RUFY4: variants seen among roughly 807,000 people sequenced by gnomAD.
RUFY4 encodes RUN and FYVE domain-containing protein 4.
In RUFY4, 73 loss-of-function variants were observed where a neutral mutation model predicts 69.0. The ratio of observed to expected loss-of-function variants is 1.06; its 90% CI spans 0.88 to 1.29. RUFY4 has a LOEUF of 1.29. RUFY4 is among the 50% of genes most tolerant of loss of function. The pLI, the probability that RUFY4 is intolerant of heterozygous loss-of-function variation, is 0.00. For synonymous variants in RUFY4, 287 were observed against 271.8 expected, an observed-to-expected ratio of 1.06 and a Z score of -0.55; for missense variants, 770 against 705.6, an observed-to-expected ratio of 1.09 and a Z score of -1.03.
At chr2:218,089,402 C>G in intron 10 of RUFY4, 40 bp downstream of exon 12, 1 of 1,562,116 alleles carries the variant, frequency 6.4e-7, no homozygotes. Context: ...TGGGACAGCC[C>G]AGTTTCCACC....
At position 218,070,653 on chromosome 2, in the gene RUFY4, T is replaced by C. The variant is rs1689464269; in HGVS notation, c.46+2T>C. On this transcript the variant is annotated splice_donor_variant, in intron 1 of 10. Coordinates refer to ENST00000344321, the Ensembl canonical transcript of RUFY4. LOFTEE classifies it high-confidence loss of function. ...TCAAGGTCACCAAAGACCTAAGAGG[T>C]GAGTGTGTCCTGAGAGATGCTCTGG... is the stretch of plus-strand genomic sequence containing the variant. 2.0e-6 allele frequency: 3 copies of C among 1,537,244 alleles called. No homozygotes were observed. The highest frequency in any genetic ancestry group is 2.6e-6 in the Non-Finnish European group (3 of 1,146,746).
chr2:218,089,838 G>A, intron 10 of RUFY4, 114 bp from the exon 13 acceptor site: 1 of 789,910 alleles, frequency 1.3e-6, no homozygotes, highest in Non-Finnish European at 2.2e-6. Flanking sequence ...TGGGAGATGA[G>A]AAACAGATGT....
intron 5 of RUFY4, 75 bp downstream of exon 7, chr2:218,073,461 C>T: frequency 6.5e-7 from 1 of 1,540,666 alleles, no homozygotes; most frequent in African/African-American, 1.4e-5. Context: ...CAGGCAAGCC[C>T]CAAGCCCTCA....
At chr2:218,037,755 T>A (rs1005767404) in intron 2 of RUFY4, among the ~76,000 whole-genome samples, 2 of 152,216 alleles carry the variant, frequency 1.3e-5, no homozygotes, top group Non-Finnish European at 2.9e-5. Flanking sequence ...TATCCTGTTA[T>A]AAAGAGAACC....
intron 2 of RUFY4, among the ~76,000 whole-genome samples, chr2:218,050,444 AG>A (rs1170212301): frequency 1.3e-5 from 2 of 152,188 alleles, no homozygotes; most frequent in African/African-American, 4.8e-5. Context: ...GCCGAACTGC[AG>A]GAGCAAAAGA....
upstream of RUFY4, among the ~76,000 whole-genome samples, chr2:218,066,908 T>A (rs1285754554): frequency 1.2e-4 from 19 of 152,248 alleles, no homozygotes; most frequent in Admixed American, 1.2e-3. Context: ...TTGATTACTG[T>A]TGCTTTAATG....
rs374271135 is a variant in RUFY4, at chr2:218,072,408, C to A, written c.188C>A (p.Pro63His). Residue 63 changes from proline (P) to histidine (H), a missense_variant, in exon 3 of 11, where the codon CCT (proline) becomes CAT (histidine). By Grantham distance (77) the Pro-to-His change is moderately conservative. Transcript: ENST00000344321. The stretch of plus-strand genomic sequence containing the variant: ...AAAGAGCAGAAGAGCTTCCTGGGGC[C>A]TCGGAAGGATTACTGGGACTTTCTC... The A allele has an allele frequency of 2.1e-5, 33 of 1,537,396 alleles. No individual in the cohort carries two copies. The South Asian group carries it at 3.0e-4, about 14-fold the overall frequency.
At chr2:218,062,401 G>A (rs1164145852) in intron 3 of RUFY4, among the ~76,000 whole-genome samples, 18 of 113,200 alleles carry the variant, frequency 1.6e-4, no homozygotes, top group Middle Eastern at 0.011. Flanking sequence ...GCGAGACTCC[G>A]TCTCAAAAAA....
At chr2:218,064,105 A>G (rs1689264940) in intron 3 of RUFY4, among the ~76,000 whole-genome samples, 1 of 152,094 alleles carries the variant, frequency 6.6e-6, no homozygotes, top group South Asian at 2.1e-4. Flanking sequence ...GATTCGCTGT[A>G]CTTACACTTT....
intron 2 of RUFY4, among the ~76,000 whole-genome samples, chr2:218,040,503 C>T (rs555744368): frequency 1.3e-5 from 2 of 152,066 alleles, no homozygotes; most frequent in Non-Finnish European, 2.9e-5. Flanking sequence ...TTTTAGAAAA[C>T]GTGTTCATTT....
At chr2:218,036,146 T>G (rs1958973745) in intron 2 of RUFY4, among the ~76,000 whole-genome samples, 1 of 152,220 alleles carries the variant, frequency 6.6e-6, no homozygotes, top group South Asian at 2.1e-4. Context: ...ATGTGGGGAT[T>G]GAATGGGACA....
At chr2:218,039,579 T>C (rs551397321) in intron 2 of RUFY4, among the ~76,000 whole-genome samples, 34 of 152,224 alleles carry the variant, frequency 2.2e-4, no homozygotes, top group Admixed American at 1.6e-3. Flanking sequence ...TAATGGAGAA[T>C]TGATGAAGGT....
At position 218,072,694 on chromosome 2, in the gene RUFY4, A is replaced by G. The variant is rs575578044; in HGVS notation, c.280-85A>G. ...TCCCCCTGCACCCTTCCCATTGCCA[A>G]GCACTTCCAGTCCCCTCTCTCTGTG... On this transcript the variant is annotated intron_variant, in intron 3 of 10. Transcript: ENST00000344321. 32 of 1,308,562 alleles carry G rather than the reference A, an allele frequency of 2.4e-5. No individual in the cohort carries two copies. In the African/African-American group the frequency reaches 4.3e-4, roughly 18 times the overall value. The allele number at this position is 1,308,562 out of a possible 1,614,324, so 81.1% of individuals were successfully genotyped here.
chr2:218,090,016 CCA>C lies in RUFY4; in HGVS notation c.1680_1681del (p.Pro561LeufsTer19). 2 of 1,562,632 alleles carry C rather than the reference CCA, an allele frequency of 1.3e-6. No individual in the cohort carries two copies. The highest frequency in any genetic ancestry group is 1.7e-6 in the Non-Finnish European group (2 of 1,153,472). ...TTACAAGAAGAGAGACCGCTGCTGC[CCA>C]CCCTGCGCCCAGGGAAGAGAAGCCC... On this transcript the variant is annotated frameshift_variant, in exon 11 of 11. Transcript: ENST00000344321. LOFTEE classifies it high-confidence loss of function.
chr2:218,039,009 A>G (rs1959020911), intron 2 of RUFY4, among the ~76,000 whole-genome samples: 1 of 152,122 alleles, frequency 6.6e-6, no homozygotes. Context: ...TCGGTTGCAT[A>G]ACTGGTTTAG....
intron 2 of RUFY4, among the ~76,000 whole-genome samples, chr2:218,058,176 A>G (rs1689105767): frequency 1.3e-5 from 2 of 152,242 alleles, no homozygotes; most frequent in South Asian, 2.1e-4. Flanking sequence ...ACAAGATGCA[A>G]AAGCCTGCAC....
At chr2:218,074,633 C>T (rs6736231) in intron 6 of RUFY4, among the ~76,000 whole-genome samples, 4,363 of 152,242 alleles carry the variant, frequency 0.029, 199 homozygotes, top group African/African-American at 0.098. Flanking sequence ...AACATGGGAG[C>T]ACAGAGGCTT....
chr2:218,043,599 T>A (rs895912717), intron 2 of RUFY4, among the ~76,000 whole-genome samples: 2 of 152,216 alleles, frequency 1.3e-5, no homozygotes, highest in African/African-American at 4.8e-5. Context: ...TCCCCACATC[T>A]GCTCTTCTCT....
In RUFY4 at chr2:218,083,184, T is replaced by C. The variant is rs558800835; in HGVS notation, c.1430T>C (p.Met477Thr). ...CAGGAGGCTGAGAGGAGGGATGCCA[T>C]GTACCAGGAGGAGCTTGGAGGGCAG... The change falls in exon 9 of 11, where the codon ATG becomes ACG. Residue 477 changes from methionine to threonine, a missense_variant. Transcript: ENST00000344321. 10 of 1,613,576 alleles carry C rather than the reference T, an allele frequency of 6.2e-6. No individual in the cohort carries two copies. In the East Asian group the frequency reaches 1.1e-4, roughly 18 times the overall value.
Sources: gnomAD v4.1 joint callset for allele counts (sites outside exome capture counted in the v4.1 genomes callset) on GRCh38, gnomAD v4.1.1 for gene constraint, MANE v1.5 for transcripts, NCBI Gene and HGNC (gene_info 2026-07-23, HGNC 2026-07-21) for gene names.